The following PODN variants were observed in gnomAD, a reference collection of about 807,000 sequenced individuals.
PODN encodes podocan proteoglycan.
In PODN, 40 loss-of-function variants were observed where a neutral mutation model predicts 52.7. The ratio of observed to expected loss-of-function variants is 0.76; its 90% CI spans 0.59 to 0.99. The LOEUF is 0.99. Ranked by LOEUF, PODN falls within the 50% of genes least tolerant of loss-of-function variation. The pLI is 0.00. For synonymous variants in PODN, 396 were observed against 377.9 expected, an observed-to-expected ratio of 1.05 and a Z score of -0.56; for missense variants, 720 against 815.1, an observed-to-expected ratio of 0.88 and a Z score of 1.42.
Position 53,077,350 on chromosome 1 carries a change from G to T in PODN, c.738+4G>T, listed in dbSNP as rs924694629. 6.2e-7 allele frequency: 1 copy of T among 1,612,732 alleles called. No individual in the cohort carries two copies. Among genetic ancestry groups the T allele is most frequent in the African/African-American group, 1.3e-5 (1 of 74,958 alleles). ...CCTGTACAAGCTGCACCTCAAGGTG[G>T]GCAGGGGAGGGGTAAGGAGGGGCAC... On this transcript the variant is annotated splice_donor_region_variant and intron_variant, in intron 6 of 10. Transcript: ENST00000312553.
chr1:53,071,712 G>A, intron 3 of PODN, 84 bp downstream of exon 3: 1 of 1,331,592 alleles, frequency 7.5e-7, no homozygotes, highest in Non-Finnish European at 1.0e-6. Flanking sequence ...CAGGGGGAGA[G>A]CTTGGCCCTG....
At chr1:53,076,292 G>C (rs778930174) in intron 5 of PODN, among the ~76,000 whole-genome samples, 5 of 152,254 alleles carry the variant, frequency 3.3e-5, no homozygotes, top group Non-Finnish European at 7.3e-5. Flanking sequence ...CCCCAGCATA[G>C]GTGTGCGAGA....
At chr1:53,074,975 G>A (rs1644173762) in intron 4 of PODN, among the ~76,000 whole-genome samples, 1 of 151,988 alleles carries the variant, frequency 6.6e-6, no homozygotes, top group South Asian at 2.1e-4. Context: ...ATTTGAGCAG[G>A]GGCATGGAGG....
intron 1 of PODN, among the ~76,000 whole-genome samples, chr1:53,067,430 C>T (rs1644049690): frequency 6.6e-6 from 1 of 152,152 alleles, no homozygotes; most frequent in African/African-American, 2.4e-5. Flanking sequence ...TTTTCCACCT[C>T]ACCTGTGTCC....
At chr1:53,079,904 G>A (rs1644256931) in intron 8 of PODN, among the ~76,000 whole-genome samples, 1 of 151,590 alleles carries the variant, frequency 6.6e-6, no homozygotes, top group African/African-American at 2.4e-5. Flanking sequence ...GAGGTGGGAG[G>A]ATCACTTGAG....
At chr1:53,074,202 G>A (rs1475244683) in intron 3 of PODN, among the ~76,000 whole-genome samples, 1 of 152,218 alleles carries the variant, frequency 6.6e-6, no homozygotes, top group Admixed American at 6.5e-5. Context: ...GAGGCCCAGA[G>A]CCGCAGCCCC....
At chr1:53,081,477 C>T (rs1429656147) in intron 9 of PODN, among the ~76,000 whole-genome samples, 1 of 152,234 alleles carries the variant, frequency 6.6e-6, no homozygotes, top group Non-Finnish European at 1.5e-5. Context: ...TGACATGTGC[C>T]TCAGGCATCT....
chr1:53,070,430 C>G (rs1644101035), intron 2 of PODN, among the ~76,000 whole-genome samples: 1 of 152,224 alleles, frequency 6.6e-6, no homozygotes, highest in South Asian at 2.1e-4. Context: ...CAGGCTGGGC[C>G]CAGTAAGTCG....
chr1:53,078,694 T>C lies in PODN; in HGVS notation c.1184T>C (p.Ile395Thr), dbSNP rs1437298110. The part of the protein sequence containing the change: ...LMILHNQITG[I>T]GREDFATTYF... The stretch of plus-strand genomic sequence containing the variant: ...ATCCTGCACAACCAGATCACAGGCA[T>C]TGGCCGCGAAGACTTTGCCACCACC... The change falls in exon 8 of 11, where the codon ATT becomes ACT. Residue 395 changes from isoleucine to threonine, a missense_variant. By Grantham distance (89) the Ile-to-Thr change is moderately conservative. Transcript: ENST00000312553. The C allele has an allele frequency of 6.2e-7, 1 of 1,613,248 alleles. No homozygotes were observed. Among genetic ancestry groups the C allele is most frequent in the East Asian group, 2.2e-5 (1 of 44,890 alleles).
At chr1:53,077,109 A>T in intron 5 of PODN, 81 bp from the exon 6 acceptor site, 2 of 1,526,220 alleles carry the variant, frequency 1.3e-6, no homozygotes, top group Non-Finnish European at 1.8e-6. Context: ...CAGCCTGGGC[A>T]AGGGTTTAGA....
In PODN at chr1:53,078,882, G is replaced by A. The variant is rs1644241575; in HGVS notation, c.1372G>A (p.Val458Ile). Residue 458 changes from valine (V) to isoleucine (I), a missense_variant, in exon 8 of 11, where the codon GTC (valine) becomes ATC (isoleucine). By Grantham distance (29) the Val-to-Ile change is conservative (BLOSUM62 3). Coordinates refer to ENST00000312553, the MANE Select transcript of PODN (RefSeq NM_153703.5). ...GLPRNVHVLKVKRNELAALAR... is the reference protein window; with the variant it reads ...GLPRNVHVLKIKRNELAALAR... ...GCCTCGAAATGTCCATGTGCTGAAG[G>A]TCAAGCGCAATGAGCTGGCTGCCTT... The A allele has an allele frequency of 6.2e-7, 1 of 1,611,970 alleles. No individual in the cohort carries two copies. Among genetic ancestry groups the A allele is most frequent in the Non-Finnish European group, 8.5e-7 (1 of 1,179,350 alleles).
At chr1:53,072,098 T>C (rs1317757960) in intron 3 of PODN, among the ~76,000 whole-genome samples, 1 of 148,986 alleles carries the variant, frequency 6.7e-6, no homozygotes, top group Non-Finnish European at 1.5e-5. Context: ...AAAAATAAAA[T>C]AATATAAAAT....
intron 5 of PODN, 53 bp downstream of exon 5, chr1:53,076,024 G>T: frequency 7.1e-7 from 1 of 1,413,388 alleles, no homozygotes. Flanking sequence ...GAGGGGCTGA[G>T]GTGGAGGCTG....
chr1:53,066,888 A>G, intron 1 of PODN: 1 of 1,543,230 alleles, frequency 6.5e-7, no homozygotes. Context: ...AGGATATGTG[A>G]GACCAGAGCT....
At chr1:53,069,221 T>G (rs998837224) in intron 1 of PODN, among the ~76,000 whole-genome samples, 1 of 152,148 alleles carries the variant, frequency 6.6e-6, no homozygotes, top group Non-Finnish European at 1.5e-5. Flanking sequence ...TGGAATTGGT[T>G]CCCAGAAAAG....
At chr1:53,063,616 C>T (rs899471602) in intron 1 of PODN, 1 of 978,798 alleles carries the variant, frequency 1.0e-6, no homozygotes. Context: ...GGGGACTGCT[C>T]TGGGGGTTCT....
At position 53,078,841 on chromosome 1, in the gene PODN, C is replaced by T. The variant is rs12567021; in HGVS notation, c.1331C>T (p.Thr444Met). The change falls in exon 8 of 11, where the codon ACG (threonine) becomes ATG (methionine). Residue 444 changes from threonine to methionine, a missense_variant. Coordinates refer to ENST00000312553, the MANE Select transcript of PODN (RefSeq NM_153703.5). Reference sequence around the variant, plus strand: ...GACCTGTCGGGCAACCGGCTGCACACGCTGCCACCTGGGCTGCCTCGAAAT... The same window carrying T: ...GACCTGTCGGGCAACCGGCTGCACATGCTGCCACCTGGGCTGCCTCGAAAT... Reference protein sequence around the residue: ...SLDLSGNRLHTLPPGLPRNVH... With the variant: ...SLDLSGNRLHMLPPGLPRNVH... 0.028 allele frequency: 44,420 copies of T among 1,612,742 alleles called. 1,170 individuals are homozygous for T. Among genetic ancestry groups the T allele is most frequent in the East Asian group, 0.16 (7,195 of 44,868 alleles).
intron 5 of PODN, among the ~76,000 whole-genome samples, chr1:53,076,934 G>A (rs11577925): frequency 0.012 from 1,825 of 152,316 alleles, 13 homozygotes; most frequent in Non-Finnish European, 0.02. Flanking sequence ...CTTGAAAGGC[G>A]TGGAGGGGCC....
chr1:53,070,684 G>A (rs994779496), intron 2 of PODN, among the ~76,000 whole-genome samples: 31 of 152,220 alleles, frequency 2.0e-4, no homozygotes, highest in African/African-American at 7.5e-4. Context: ...CTCGCCTTGT[G>A]CGGCCCAACA....
Sources: gnomAD v4.1 joint callset for allele counts (sites outside exome capture counted in the v4.1 genomes callset) on GRCh38, gnomAD v4.1.1 for gene constraint, MANE v1.5 for transcripts, NCBI Gene and HGNC (gene_info 2026-07-23, HGNC 2026-07-21) for gene names.